The following LHFPL3 variants were observed in gnomAD, a reference collection of about 807,000 sequenced individuals.
The protein encoded by LHFPL3 is LHFPL tetraspan subfamily member 3.
A neutral mutation model predicts 19.3 loss-of-function variants in LHFPL3; 5 were observed. That is an observed-to-expected ratio of 0.26 (90% CI 0.14 to 0.54). LHFPL3 has a LOEUF of 0.54. Ranked by LOEUF, LHFPL3 falls within the 20% of genes least tolerant of loss-of-function variation. The pLI is 0.94. For missense variants in LHFPL3, 249 were observed against 307.4 expected (o/e 0.81, Z 1.42); for synonymous variants, 133 against 126.2 (o/e 1.05, Z -0.36).
chr7:104,609,461 A>G (rs1038616858), intron 1 of LHFPL3, among the ~76,000 whole-genome samples: 3 of 152,206 alleles, frequency 2.0e-5, no homozygotes, highest in African/African-American at 7.2e-5. Context: ...GAAGTAAATA[A>G]TATTCAAAAG....
chr7:104,410,520 G>A (rs560597294), intron 1 of LHFPL3, among the ~76,000 whole-genome samples: 1 of 152,292 alleles, frequency 6.6e-6, no homozygotes, highest in East Asian at 1.9e-4. Flanking sequence ...AATAATGAAT[G>A]TGAAAACAAG....
intron 2 of LHFPL3, among the ~76,000 whole-genome samples, chr7:104,879,263 A>G (rs1179567049): frequency 6.6e-6 from 1 of 152,078 alleles, no homozygotes; most frequent in Admixed American, 6.6e-5. Flanking sequence ...AAAATATGCA[A>G]AAGTTAGCTG....
Position 104,837,505 on chromosome 7 carries a change from A to C in LHFPL3, c.683-68682A>C, listed in dbSNP as rs143088406. ...TATTTTATATTATTCAATCCTCATT[A>C]ATAATCCCATAAAGTAAGTGCTAAC... On this transcript the variant is annotated intron_variant, in intron 2 of 2. Transcript: ENST00000424859. Among the ~76,000 whole-genome samples, 40 of 152,324 alleles carry C rather than the reference A, an allele frequency of 2.6e-4. No individual in the cohort carries two copies. The East Asian group carries it at 7.7e-3, about 29-fold the overall frequency.
At chr7:104,855,634 T>G (rs1186382087) in intron 2 of LHFPL3, among the ~76,000 whole-genome samples, 1 of 151,822 alleles carries the variant, frequency 6.6e-6, no homozygotes, top group African/African-American at 2.4e-5. Flanking sequence ...TCTTTCTTTT[T>G]TTTTTTTTAG....
chr7:104,765,362 T>A (rs1794439742), intron 2 of LHFPL3, among the ~76,000 whole-genome samples: 1 of 152,232 alleles, frequency 6.6e-6, no homozygotes, highest in South Asian at 2.1e-4. Context: ...AGAATACATC[T>A]GGGCTCAGTA....
At position 104,907,738 on chromosome 7, in the gene LHFPL3, A is replaced by C. The variant is rs547734486; in HGVS notation, c.*1523A>C. Among the ~76,000 whole-genome samples, 1 of 152,344 alleles carries C rather than the reference A, an allele frequency of 6.6e-6. No individual in the cohort carries two copies. The highest frequency in any genetic ancestry group is 2.4e-5 in the African/African-American group (1 of 41,582). On this transcript the variant is annotated 3_prime_UTR_variant, in exon 3 of 3. Coordinates refer to ENST00000424859, the MANE Select transcript of LHFPL3 (RefSeq NM_199000.3). ...TAGAACATCAGATGGAGGATAACACAAGAAGTGATACAGATCAGGGTTCAC... is the reference window on the plus strand; with the variant it reads ...TAGAACATCAGATGGAGGATAACACCAGAAGTGATACAGATCAGGGTTCAC...
chr7:104,583,026 G>A (rs1014365738), intron 1 of LHFPL3, among the ~76,000 whole-genome samples: 6 of 151,898 alleles, frequency 4.0e-5, no homozygotes, highest in African/African-American at 1.2e-4. Flanking sequence ...TCCCCCTTCA[G>A]TCAAGCAGCC....
At chr7:104,482,821 G>A (rs755659954) in intron 1 of LHFPL3, among the ~76,000 whole-genome samples, 3 of 152,180 alleles carry the variant, frequency 2.0e-5, no homozygotes, top group African/African-American at 4.8e-5. Flanking sequence ...GGCAGCTCCC[G>A]GGCTGGCTGT....
At chr7:104,439,892 G>C (rs1792182444) in intron 1 of LHFPL3, among the ~76,000 whole-genome samples, 1 of 152,106 alleles carries the variant, frequency 6.6e-6, no homozygotes, top group Non-Finnish European at 1.5e-5. Context: ...CAAGAAAGAT[G>C]TAAAACTGCC....
intron 1 of LHFPL3, among the ~76,000 whole-genome samples, chr7:104,679,158 A>T (rs1393358203): frequency 6.6e-6 from 1 of 152,224 alleles, no homozygotes; most frequent in African/African-American, 2.4e-5. Context: ...GGCTGCAGTC[A>T]TCTGAGCCTG....
intron 2 of LHFPL3, among the ~76,000 whole-genome samples, chr7:104,783,224 G>A (rs989049583): frequency 2.0e-5 from 3 of 152,236 alleles, no homozygotes; most frequent in African/African-American, 7.2e-5. Flanking sequence ...TTTCCTCCAG[G>A]AAGCTTTCTT....
intron 1 of LHFPL3, among the ~76,000 whole-genome samples, chr7:104,659,213 C>G (rs1380236810): frequency 6.6e-6 from 1 of 152,248 alleles, no homozygotes; most frequent in East Asian, 1.9e-4. Context: ...TTGCCCTTGG[C>G]TTGCTGTGAT....
chr7:104,633,521 A>G (rs1026151288), intron 1 of LHFPL3, among the ~76,000 whole-genome samples: 2 of 152,228 alleles, frequency 1.3e-5, no homozygotes, highest in Admixed American at 1.3e-4. Flanking sequence ...TGTTACAGCC[A>G]TAATGAGCCA....
At chr7:104,519,890 G>C (rs1318195587) in intron 1 of LHFPL3, among the ~76,000 whole-genome samples, 1 of 152,066 alleles carries the variant, frequency 6.6e-6, no homozygotes, top group African/African-American at 2.4e-5. Context: ...AAATGTGGTT[G>C]TCCTTGGTGC....
At chr7:104,470,261 A>G (rs1792881476) in intron 1 of LHFPL3, among the ~76,000 whole-genome samples, 1 of 152,238 alleles carries the variant, frequency 6.6e-6, no homozygotes, top group Non-Finnish European at 1.5e-5. Flanking sequence ...TGATAATTCT[A>G]TTCCACTTCT....
intron 1 of LHFPL3, among the ~76,000 whole-genome samples, chr7:104,483,814 C>A (rs1278297006): frequency 6.6e-6 from 1 of 152,030 alleles, no homozygotes; most frequent in Admixed American, 6.6e-5. Flanking sequence ...TGTGTAGAGA[C>A]AGAGTCTCAC....
At chr7:104,847,325 A>G (rs1034840711) in intron 2 of LHFPL3, among the ~76,000 whole-genome samples, 6 of 152,226 alleles carry the variant, frequency 3.9e-5, no homozygotes, top group Non-Finnish European at 7.3e-5. Flanking sequence ...TCTCTGAGGC[A>G]GTCAGAGAAT....
chr7:104,887,274 G>A (rs1267089478), intron 2 of LHFPL3, among the ~76,000 whole-genome samples: 1 of 152,196 alleles, frequency 6.6e-6, no homozygotes, highest in Non-Finnish European at 1.5e-5. Context: ...ACCCTAGCTT[G>A]GGTTCCCCCA....
intron 1 of LHFPL3, among the ~76,000 whole-genome samples, chr7:104,591,348 G>A (rs943264393): frequency 2.0e-5 from 3 of 152,190 alleles, no homozygotes; most frequent in African/African-American, 7.2e-5. Context: ...TGTCTGTAAA[G>A]TATTTTATTT....
Sources: allele counts gnomAD v4.1 joint callset (sites outside exome capture counted in the v4.1 genomes callset), GRCh38; gene constraint gnomAD v4.1.1; transcripts MANE v1.5; gene names NCBI Gene and HGNC (gene_info 2026-07-23, HGNC 2026-07-21).